Variants in CA8 observed in about 807,000 individuals in gnomAD.
CA8 encodes the protein carbonic anhydrase-related protein.
CA8 carries 22 observed loss-of-function variants against 41.4 expected under a neutral mutation model. The observed-to-expected ratio is 0.53, with a 90% CI of 0.38 to 0.76. The LOEUF is 0.76. Ranked by LOEUF, CA8 falls within the 30% of genes least tolerant of loss-of-function variation. The pLI, the probability that CA8 is intolerant of heterozygous loss-of-function variation, is 0.00. For missense variants in CA8, 270 were observed against 352.8 expected (o/e 0.77, Z 1.88); for synonymous variants, 121 against 130.6 (o/e 0.93, Z 0.50).
chr8:60,247,327 T>G (rs1269411128), intron 3 of CA8, among the ~76,000 whole-genome samples: 1 of 152,178 alleles, frequency 6.6e-6, no homozygotes, highest in Non-Finnish European at 1.5e-5. Flanking sequence ...CCATGGTGGT[T>G]TGCTGCACCT....
At chr8:60,217,176 G>A (rs902031740) in intron 7 of CA8, among the ~76,000 whole-genome samples, 1 of 151,568 alleles carries the variant, frequency 6.6e-6, no homozygotes, top group Non-Finnish European at 1.5e-5. Flanking sequence ...GAGCCACCAC[G>A]CCTGGCCAAG....
intron 3 of CA8, among the ~76,000 whole-genome samples, chr8:60,253,892 C>A (rs1168773835): frequency 1.3e-5 from 2 of 152,142 alleles, no homozygotes; most frequent in Non-Finnish European, 2.9e-5. Context: ...TCTTTATATC[C>A]CATTCCCTAG....
intron 5 of CA8, among the ~76,000 whole-genome samples, chr8:60,225,261 T>A (rs1160047507): frequency 6.6e-6 from 1 of 152,202 alleles, no homozygotes; most frequent in Non-Finnish European, 1.5e-5. Flanking sequence ...AAAATAGTCC[T>A]GTCATGTGAC....
chr8:60,252,240 A>G (rs538054831), intron 3 of CA8, among the ~76,000 whole-genome samples: 123 of 152,360 alleles, frequency 8.1e-4, no homozygotes, highest in Admixed American at 1.4e-3. Flanking sequence ...ATCAATTGAC[A>G]ACAGCAAGCT....
At chr8:60,238,023 G>A (rs1258302236) in intron 3 of CA8, among the ~76,000 whole-genome samples, 2 of 152,146 alleles carry the variant, frequency 1.3e-5, no homozygotes, top group South Asian at 2.1e-4. Flanking sequence ...ATCTTGGACC[G>A]AGCTTTTGCT....
At position 60,186,738 on chromosome 8, in the gene CA8, T is replaced by C. The variant is rs575779327; in HGVS notation, c.*3283A>G. On this transcript the variant is annotated 3_prime_UTR_variant, in exon 9 of 9. Transcript: ENST00000317995. ...AAAGATACATCATACAAATAGCAACTATAAGAAAGCTGGGGCAGCTATATT... is the reference window on the plus strand; with the variant it reads ...AAAGATACATCATACAAATAGCAACCATAAGAAAGCTGGGGCAGCTATATT... 1.3e-5 allele frequency among the ~76,000 whole-genome samples: 2 copies of C among 151,806 alleles called. No individual in the cohort carries two copies. Among genetic ancestry groups the C allele is most frequent in the African/African-American group, 4.8e-5 (2 of 41,458 alleles).
intron 4 of CA8, among the ~76,000 whole-genome samples, chr8:60,229,501 C>T (rs1301663005): frequency 6.6e-6 from 1 of 152,156 alleles, no homozygotes; most frequent in African/African-American, 2.4e-5. Flanking sequence ...CAATCTCTCC[C>T]AGGCATCACC....
intron 2 of CA8, among the ~76,000 whole-genome samples, chr8:60,269,877 C>T (rs146822902): frequency 3.9e-5 from 6 of 152,276 alleles, no homozygotes; most frequent in Non-Finnish European, 5.9e-5. Flanking sequence ...CATCCAGCAA[C>T]GGACAAGCCA....
Position 60,186,041 on chromosome 8 carries a change from G to A in CA8, c.*3980C>T, listed in dbSNP as rs1000980054. Reference sequence around the variant, plus strand: ...AGGTAAATAAGAACAAAGTAGTACTGGAGTAAGAAATCACACCAGATGGTG... The same window carrying A: ...AGGTAAATAAGAACAAAGTAGTACTAGAGTAAGAAATCACACCAGATGGTG... On this transcript the variant is annotated 3_prime_UTR_variant, in exon 9 of 9. Transcript: ENST00000317995. 6.6e-6 allele frequency among the ~76,000 whole-genome samples: 1 copy of A among 152,012 alleles called. No homozygotes were observed. The highest frequency in any genetic ancestry group is 1.5e-5 in the Non-Finnish European group (1 of 67,936).
At chr8:60,232,131 A>T (rs1807668908) in intron 4 of CA8, among the ~76,000 whole-genome samples, 153 bp downstream of exon 4, 1 of 152,184 alleles carries the variant, frequency 6.6e-6, no homozygotes, top group African/African-American at 2.4e-5. Context: ...ACTCCGATAA[A>T]CCATAAGGAT....
At chr8:60,200,675 CAGAT>C (rs745537509) in intron 8 of CA8, among the ~76,000 whole-genome samples, 3 of 152,086 alleles carry the variant, frequency 2.0e-5, no homozygotes, top group Non-Finnish European at 4.4e-5. Flanking sequence ...ATAAATAGCT[CAGAT>C]ATTTAAATAA....
chr8:60,234,184 T>C (rs1807752799), intron 3 of CA8, among the ~76,000 whole-genome samples: 1 of 152,046 alleles, frequency 6.6e-6, no homozygotes, highest in Non-Finnish European at 1.5e-5. Flanking sequence ...ATCAGACAAA[T>C]CTCAGTGAGA....
intron 3 of CA8, among the ~76,000 whole-genome samples, chr8:60,248,868 C>T (rs1016822216): frequency 7.2e-5 from 11 of 152,038 alleles, no homozygotes; most frequent in African/African-American, 9.7e-5. Context: ...GCCATTTTCA[C>T]GATATTGATT....
intron 3 of CA8, among the ~76,000 whole-genome samples, chr8:60,247,275 A>G (rs1000253669): frequency 4.0e-5 from 6 of 149,366 alleles, no homozygotes; most frequent in Non-Finnish European, 8.8e-5. Flanking sequence ...GGATTGTTAC[A>G]TAGGTATACA....
intron 3 of CA8, among the ~76,000 whole-genome samples, chr8:60,242,769 G>T (rs746002255): frequency 6.6e-6 from 1 of 152,228 alleles, no homozygotes; most frequent in Non-Finnish European, 1.5e-5. Context: ...AGAAAATACA[G>T]AGCAAGTGCT....
At position 60,249,762 on chromosome 8, in the gene CA8, T is replaced by C. The variant is rs551649951; in HGVS notation, c.417+16163A>G. The stretch of plus-strand genomic sequence containing the variant: ...AACTATGAATGATCATAAAATGTAT[T>C]ATCAGCTAAAGCAATTTTAAGAGTC... On this transcript the variant is annotated intron_variant, in intron 3 of 8. Transcript: ENST00000317995. 3.9e-5 allele frequency among the ~76,000 whole-genome samples: 6 copies of C among 152,340 alleles called. No individual in the cohort carries two copies. The East Asian group carries it at 1.2e-3, about 29-fold the overall frequency.
chr8:60,251,302 T>A, intron 3 of CA8, among the ~76,000 whole-genome samples: 1 of 152,236 alleles, frequency 6.6e-6, no homozygotes, highest in Non-Finnish European at 1.5e-5. Context: ...TCACTATGCC[T>A]AGAACCTTCT....
intron 3 of CA8, among the ~76,000 whole-genome samples, chr8:60,263,688 G>A (rs149976609): frequency 4.6e-5 from 7 of 152,296 alleles, no homozygotes; most frequent in East Asian, 3.9e-4. Context: ...GAGCCAACTC[G>A]TCCCCAGTCC....
intron 8 of CA8, among the ~76,000 whole-genome samples, chr8:60,198,750 T>A (rs1369623168): frequency 1.3e-5 from 2 of 152,194 alleles, no homozygotes; most frequent in Non-Finnish European, 2.9e-5. Flanking sequence ...AGAGAAGGTT[T>A]GTATTATATC....
Sources: allele counts gnomAD v4.1 joint callset (sites outside exome capture counted in the v4.1 genomes callset), GRCh38; gene constraint gnomAD v4.1.1; transcripts MANE v1.5; gene names NCBI Gene and HGNC (gene_info 2026-07-23, HGNC 2026-07-21).